ZNF248: variants seen among roughly 807,000 people sequenced by gnomAD.
ZNF248 encodes zinc finger protein 248.
In ZNF248, 20 loss-of-function variants were observed where a neutral mutation model predicts 44.3. The ratio of observed to expected loss-of-function variants is 0.45; its 90% CI spans 0.32 to 0.66. The LOEUF (loss-of-function observed/expected upper bound fraction) is 0.66, where lower values mean the gene tolerates loss of function less well. Among genes scored for constraint, ZNF248 ranks in the 30% least tolerant of loss-of-function variants. ZNF248 has a pLI of 0.04. For missense variants in ZNF248, 654 were observed against 677.0 expected (o/e 0.97, Z 0.38); for synonymous variants, 224 against 229.0 (o/e 0.98, Z 0.20).
chr10:37,764,193 G>A, the ZNF248 span, among the ~76,000 whole-genome samples: 3 of 152,172 alleles, frequency 2.0e-5, no homozygotes, highest in African/African-American at 4.8e-5. Context: ...ATTCCTAGGG[G>A]GAGGTCTCTA....
intron 6 of ZNF248, among the ~76,000 whole-genome samples, chr10:37,779,605 A>G (rs965599088): frequency 1.7e-4 from 26 of 152,080 alleles, no homozygotes; most frequent in African/African-American, 6.3e-4. Flanking sequence ...AAACTGGCAC[A>G]AGACAGGGAT....
At chr10:37,768,654 C>T in the ZNF248 span, among the ~76,000 whole-genome samples, 7 of 152,056 alleles carry the variant, frequency 4.6e-5, no homozygotes, top group South Asian at 2.1e-4. Flanking sequence ...CACTAAATGC[C>T]GACAAGAGAA....
the ZNF248 span, among the ~76,000 whole-genome samples, chr10:37,768,774 A>G: frequency 2.0e-4 from 30 of 152,224 alleles, no homozygotes; most frequent in Admixed American, 1.3e-4. Context: ...CTAAAATCAG[A>G]GCAGAACTGA....
downstream of ZNF248, among the ~76,000 whole-genome samples, chr10:37,824,673 A>ATTTTTTTTTTTTTTTTTTTTTTTTTTTTT (rs755411927): frequency 2.5e-5 from 2 of 79,704 alleles, no homozygotes; most frequent in Non-Finnish European, 4.3e-5. Flanking sequence ...ATTATTTTAA[A>ATTTTTTTTTTTTTTTTTTTTTTTTTTTTT]TTTTTTTTTT....
intron 6 of ZNF248, chr10:37,802,892 C>CA (rs1336595825): frequency 6.6e-6 from 1 of 152,232 alleles, no homozygotes; most frequent in Non-Finnish European, 1.5e-5. Context: ...GTATGATTCA[C>CA]AGCTCACTGC....
At chr10:37,823,236 A>G (rs1490878588) in intron 6 of ZNF248, among the ~76,000 whole-genome samples, 1 of 142,390 alleles carries the variant, frequency 7.0e-6, no homozygotes, top group South Asian at 2.4e-4. Flanking sequence ...CGGGAGGCTG[A>G]GGCAGAAGAA....
chr10:37,809,977 T>C (rs1452633105), intron 6 of ZNF248, among the ~76,000 whole-genome samples: 1 of 152,206 alleles, frequency 6.6e-6, no homozygotes, highest in Non-Finnish European at 1.5e-5. Flanking sequence ...GGAGAATAAC[T>C]AACGTGCATT....
intron 6 of ZNF248, among the ~76,000 whole-genome samples, chr10:37,812,451 T>C (rs900390064): frequency 7.9e-5 from 12 of 152,168 alleles, no homozygotes; most frequent in Non-Finnish European, 1.5e-5. Flanking sequence ...TCTGCCTTTA[T>C]CTATAAAACT....
chr10:37,774,534 A>T (rs1157090064), downstream of ZNF248, among the ~76,000 whole-genome samples: 1 of 152,200 alleles, frequency 6.6e-6, no homozygotes, highest in Admixed American at 6.5e-5. Flanking sequence ...GCTAGGCTAT[A>T]AAACTCCAGG....
intron 3 of ZNF248, among the ~76,000 whole-genome samples, chr10:37,852,610 G>C (rs866650157): frequency 6.6e-6 from 1 of 151,060 alleles, no homozygotes; most frequent in Admixed American, 6.6e-5. Flanking sequence ...CTCCAGCCTG[G>C]GTGACAGAAT....
intron 6 of ZNF248, chr10:37,819,473 A>G (rs1366991292): frequency 5.3e-6 from 8 of 1,496,510 alleles, no homozygotes; most frequent in South Asian, 3.4e-5. Flanking sequence ...TCTTTGCTCT[A>G]TTAGTTCAAA....
intron 6 of ZNF248, chr10:37,794,306 A>C: frequency 6.5e-6 from 1 of 152,992 alleles, no homozygotes; most frequent in East Asian, 1.9e-4. Flanking sequence ...GAACTGTGGC[A>C]CAATGATGTG....
intron 6 of ZNF248, chr10:37,820,800 C>A: frequency 1.7e-6 from 2 of 1,164,682 alleles, no homozygotes; most frequent in African/African-American, 1.5e-5. Flanking sequence ...CTTCATTTTG[C>A]CTTTTGTTTC....
chr10:37,855,546 G>A (rs1162907863), intron 3 of ZNF248, among the ~76,000 whole-genome samples: 1 of 152,164 alleles, frequency 6.6e-6, no homozygotes, highest in Admixed American at 6.5e-5. Flanking sequence ...AAGAAAAGAT[G>A]CCTTCATGAG....
intron 5 of ZNF248, among the ~76,000 whole-genome samples, chr10:37,833,497 A>C (rs1371555682): frequency 6.6e-6 from 1 of 152,200 alleles, no homozygotes; most frequent in Non-Finnish European, 1.5e-5. Flanking sequence ...GTGATGGTGA[A>C]GATTAGCAGA....
At chr10:37,759,878 T>G in the ZNF248 span, among the ~76,000 whole-genome samples, 3 of 152,142 alleles carry the variant, frequency 2.0e-5, no homozygotes, top group Non-Finnish European at 4.4e-5. Context: ...AGATGAGGCT[T>G]CCATTTGCTG....
At chr10:37,784,922 TAC>T (rs2047710928) in intron 6 of ZNF248, among the ~76,000 whole-genome samples, 1 of 152,204 alleles carries the variant, frequency 6.6e-6, no homozygotes, top group Non-Finnish European at 1.5e-5. Context: ...GTTGGACACT[TAC>T]CCCACCGTTA....
rs1375660627 is a variant in ZNF248, at chr10:37,831,097, T to C, written c.*518A>G. 6 of 1,380,996 alleles carry C rather than the reference T, an allele frequency of 4.3e-6. No individual in the cohort carries two copies. The highest frequency in any genetic ancestry group is 5.7e-6 in the Non-Finnish European group (6 of 1,057,310). The allele number at this position is 1,380,996 out of a possible 1,614,324, so 85.5% of individuals were successfully genotyped here. On this transcript the variant is annotated 3_prime_UTR_variant, in exon 6 of 6. Coordinates refer to ENST00000395867, the MANE Select transcript of ZNF248 (RefSeq NM_021045.3). ...TTATGTCAACCTATAAAGACACCAA[T>C]GGTATTTAGTGTAGAAAATATTAAC... is the stretch of plus-strand genomic sequence containing the variant.
intron 5 of ZNF248, among the ~76,000 whole-genome samples, chr10:37,834,055 T>C (rs941207962): frequency 2.6e-5 from 4 of 152,092 alleles, no homozygotes; most frequent in Admixed American, 6.6e-5. Context: ...CCTAATAACA[T>C]ACCTTCCACT....
Sources: allele counts gnomAD v4.1 joint callset (sites outside exome capture counted in the v4.1 genomes callset), GRCh38; gene constraint gnomAD v4.1.1; transcripts MANE v1.5; gene names NCBI Gene and HGNC (gene_info 2026-07-23, HGNC 2026-07-21).